The following GMDS variants were observed in gnomAD, a reference collection of about 807,000 sequenced individuals.
The protein encoded by GMDS is GDP-mannose 4,6-dehydratase.
In GMDS, 20 loss-of-function variants were observed where a neutral mutation model predicts 49.9. The observed-to-expected ratio is 0.40, with a 90% CI of 0.28 to 0.58. The LOEUF (loss-of-function observed/expected upper bound fraction) is 0.58, where lower values mean the gene tolerates loss of function less well. Among genes scored for constraint, GMDS ranks in the 20% least tolerant of loss-of-function variants. GMDS has a pLI of 0.42. For missense variants in GMDS, 362 were observed against 481.4 expected (o/e 0.75, Z 2.32); for synonymous variants, 177 against 178.6 (o/e 0.99, Z 0.07).
chr6:1,991,978 C>G (rs1162041936), intron 4 of GMDS, among the ~76,000 whole-genome samples: 1 of 152,224 alleles, frequency 6.6e-6, no homozygotes, highest in African/African-American at 2.4e-5. Context: ...GCTGCAAATC[C>G]CTAGATGCGA....
chr6:2,092,667 G>T (rs1041316037), intron 4 of GMDS, among the ~76,000 whole-genome samples: 1 of 152,112 alleles, frequency 6.6e-6, no homozygotes, highest in Non-Finnish European at 1.5e-5. Context: ...GTAGAGACAC[G>T]TTTAAGGACT....
intron 1 of GMDS, among the ~76,000 whole-genome samples, chr6:2,185,401 T>C (rs1421503348): frequency 1.3e-5 from 2 of 152,216 alleles, no homozygotes; most frequent in African/African-American, 2.4e-5. Context: ...ACATTACGTA[T>C]TCTTTGTATT....
In GMDS at chr6:2,175,093, A is replaced by G. The variant is rs1581751063; in HGVS notation, c.103-50362T>C. Among the ~76,000 whole-genome samples the G allele has an allele frequency of 2.6e-5, 4 of 152,288 alleles. No homozygotes were observed. The South Asian group carries it at 8.3e-4, about 32-fold the overall frequency. ...GGTAGCTATTTGAAACACAGTGCAAAGTAATAATTTTAAAGATCTCTTGAG... is the reference window on the plus strand; with the variant it reads ...GGTAGCTATTTGAAACACAGTGCAAGGTAATAATTTTAAAGATCTCTTGAG... On this transcript the variant is annotated intron_variant, in intron 1 of 10. Coordinates refer to ENST00000380815, the MANE Select transcript of GMDS (RefSeq NM_001500.4).
At position 2,032,930 on chromosome 6, in the gene GMDS, C is replaced by A. The variant is rs186983304; in HGVS notation, c.346-71964G>T. ...GAGGATGCAAAGAAAACTTCTAACA[C>A]CAATCTGGAACTTCTCAAATTTCAT... On this transcript the variant is annotated intron_variant, in intron 4 of 10. Coordinates refer to ENST00000380815, the MANE Select transcript of GMDS (RefSeq NM_001500.4). Among the ~76,000 whole-genome samples the A allele has an allele frequency of 6.9e-3, 1,045 of 152,232 alleles. 6 individuals carry two copies. Among genetic ancestry groups the A allele is most frequent in the Middle Eastern group, 0.027 (8 of 294 alleles).
At chr6:2,009,406 C>G (rs1767406651) in intron 4 of GMDS, among the ~76,000 whole-genome samples, 1 of 152,160 alleles carries the variant, frequency 6.6e-6, no homozygotes, top group Admixed American at 6.5e-5. Flanking sequence ...TGGCCAGATT[C>G]AGGAACCAAT....
intron 9 of GMDS, among the ~76,000 whole-genome samples, chr6:1,653,023 C>T (rs986438094): frequency 6.6e-6 from 1 of 151,608 alleles, no homozygotes; most frequent in African/African-American, 2.4e-5. Context: ...CCACTAGACA[C>T]CTGGCCCGCG....
In GMDS at chr6:1,753,817, T is replaced by G. The variant is rs192987994; in HGVS notation, c.772-11231A>C. Among the ~76,000 whole-genome samples the G allele has an allele frequency of 4.2e-3, 636 of 152,180 alleles. 4 individuals are homozygous for G. The highest frequency in any genetic ancestry group is 0.015 in the African/African-American group (612 of 41,526). ...ATAACAAAATTAGGGCAGAACTAAA[T>G]AAGTTATTTGAAACCAACAAGAACA... On this transcript the variant is annotated intron_variant, in intron 7 of 10. Transcript: ENST00000380815.
At chr6:2,189,363 G>A (rs1778916968) in intron 1 of GMDS, among the ~76,000 whole-genome samples, 2 of 152,134 alleles carry the variant, frequency 1.3e-5, no homozygotes, top group Admixed American at 6.6e-5. Flanking sequence ...TTTAGGGAGA[G>A]ATTTAGAGAT....
chr6:2,163,853 C>G (rs569962718), intron 1 of GMDS, among the ~76,000 whole-genome samples: 1 of 152,280 alleles, frequency 6.6e-6, no homozygotes, highest in African/African-American at 2.4e-5. Context: ...CACTGTAAGG[C>G]CTAACAGACG....
At chr6:2,176,050 G>A (rs2127558210) in intron 1 of GMDS, 2 of 1,468,170 alleles carry the variant, frequency 1.4e-6, no homozygotes, top group African/African-American at 1.4e-5. Flanking sequence ...AGAGGCTGAA[G>A]ACAGCAGATG....
intron 1 of GMDS, among the ~76,000 whole-genome samples, chr6:2,131,766 G>A (rs1193162584): frequency 1.3e-5 from 2 of 151,340 alleles, no homozygotes; most frequent in Non-Finnish European, 2.9e-5. Flanking sequence ...GTGAATACAA[G>A]CATGCCCAAG....
At chr6:1,921,689 G>T (rs1315381405) in intron 7 of GMDS, among the ~76,000 whole-genome samples, 2 of 152,236 alleles carry the variant, frequency 1.3e-5, no homozygotes, top group East Asian at 3.9e-4. Context: ...TATAAATAAA[G>T]CTGTTCTTTT....
chr6:1,940,555 G>C (rs1004115154), intron 6 of GMDS, among the ~76,000 whole-genome samples: 2 of 152,200 alleles, frequency 1.3e-5, no homozygotes, highest in African/African-American at 4.8e-5. Flanking sequence ...TGAGATCAGA[G>C]AGATCATACC....
chr6:2,221,689 T>TA (rs1317840598), intron 1 of GMDS, among the ~76,000 whole-genome samples: 8 of 152,310 alleles, frequency 5.3e-5, no homozygotes, highest in African/African-American at 1.9e-4. Flanking sequence ...TGCCCGGCCT[T>TA]AAAATGTTCT....
intron 1 of GMDS, among the ~76,000 whole-genome samples, chr6:2,173,167 CTT>C (rs1778103817): frequency 6.6e-6 from 1 of 152,194 alleles, no homozygotes; most frequent in South Asian, 2.1e-4. Flanking sequence ...CTTATCAACA[CTT>C]AGGAAATATA....
chr6:1,889,411 A>C (rs1415126316), intron 7 of GMDS, among the ~76,000 whole-genome samples: 1 of 152,114 alleles, frequency 6.6e-6, no homozygotes, highest in African/African-American at 2.4e-5. Context: ...CCTTAAAAAA[A>C]GAGCCGTGCT....
At chr6:1,649,978 G>A (rs1763602439) in intron 9 of GMDS, among the ~76,000 whole-genome samples, 1 of 152,224 alleles carries the variant, frequency 6.6e-6, no homozygotes, top group African/African-American at 2.4e-5. Flanking sequence ...CAGTGAATGT[G>A]CACCTTGCCT....
intron 4 of GMDS, among the ~76,000 whole-genome samples, chr6:2,084,803 G>A (rs571375750): frequency 7.2e-5 from 11 of 152,192 alleles, no homozygotes; most frequent in South Asian, 4.1e-4. Flanking sequence ...CACCATGCCC[G>A]GCCTAAATAA....
chr6:1,724,627 T>C (rs1766506592), intron 9 of GMDS, among the ~76,000 whole-genome samples: 2 of 152,204 alleles, frequency 1.3e-5, no homozygotes, highest in Non-Finnish European at 2.9e-5. Flanking sequence ...TGATTGTAGA[T>C]ACAGAAAAGC....
Sources: allele counts gnomAD v4.1 joint callset (sites outside exome capture counted in the v4.1 genomes callset), GRCh38; gene constraint gnomAD v4.1.1; transcripts MANE v1.5; gene names NCBI Gene and HGNC (gene_info 2026-07-23, HGNC 2026-07-21).